The following ATP10B variants were observed in gnomAD, a reference collection of about 807,000 sequenced individuals.
The protein encoded by ATP10B is phospholipid-transporting ATPase VB.
ATP10B carries 122 observed loss-of-function variants against 141.2 expected under a neutral mutation model. The ratio of observed to expected loss-of-function variants is 0.86; its 90% CI spans 0.75 to 1.00. The LOEUF (loss-of-function observed/expected upper bound fraction) is 1.00. Ranked by LOEUF, ATP10B falls within the 50% of genes least tolerant of loss-of-function variation. The pLI is 0.00. For synonymous variants in ATP10B, 685 were observed against 692.0 expected (o/e 0.99, Z 0.16); for missense variants, 1,876 against 1,825.3 (o/e 1.03, Z -0.51).
chr5:160,676,459 C>T (rs1393688886), intron 6 of ATP10B, among the ~76,000 whole-genome samples: 2 of 152,220 alleles, frequency 1.3e-5, no homozygotes, highest in African/African-American at 2.4e-5. Flanking sequence ...TGTTGCCACA[C>T]TTCCCTGTAT....
In ATP10B at chr5:160,682,315, C is replaced by T. The variant is rs148352215; in HGVS notation, c.470+3764G>A. ...GGCCATGCACGTATTTTTTCGGAGA[C>T]TATTTCTTTGTCACTGTTATTCCAC... is the stretch of plus-strand genomic sequence containing the variant. On this transcript the variant is annotated intron_variant, in intron 6 of 25. Transcript: ENST00000327245. Among the ~76,000 whole-genome samples, 133 of 152,298 alleles carry T rather than the reference C, an allele frequency of 8.7e-4. 1 individual carries two copies. Among genetic ancestry groups the T allele is most frequent in the Middle Eastern group, 6.8e-3 (2 of 294 alleles).
the ATP10B span, among the ~76,000 whole-genome samples, chr5:160,858,509 G>T: frequency 6.6e-6 from 1 of 151,752 alleles, no homozygotes; most frequent in Admixed American, 6.6e-5. Context: ...TTTTCCACCT[G>T]CCAGTGGGTC....
intron 3 of ATP10B, among the ~76,000 whole-genome samples, chr5:160,697,906 CAT>C (rs1764464669): frequency 6.6e-6 from 1 of 152,122 alleles, no homozygotes; most frequent in South Asian, 2.1e-4. Context: ...CTCCCCAACT[CAT>C]AAGAGCTTTA....
upstream of ATP10B, among the ~76,000 whole-genome samples, chr5:160,855,426 G>T (rs1363098804): frequency 3.3e-5 from 5 of 149,394 alleles, no homozygotes; most frequent in East Asian, 2.0e-4. Context: ...TATATATTTT[G>T]TTTGGTGAAA....
chr5:160,649,327 C>A (rs1210283048), intron 7 of ATP10B, 71 bp from the exon 8 acceptor site: 7 of 1,091,036 alleles, frequency 6.4e-6, no homozygotes, highest in South Asian at 1.3e-5. Context: ...ACTGGGAGAG[C>A]TAATCACTGT....
chr5:160,635,616 C>T (rs1581236803), intron 11 of ATP10B, among the ~76,000 whole-genome samples: 1 of 152,190 alleles, frequency 6.6e-6, no homozygotes, highest in African/African-American at 2.4e-5. Context: ...AGGAAAACTA[C>T]AACTTCCCTC....
chr5:160,843,753 G>A (rs1484854417), intron 1 of ATP10B, among the ~76,000 whole-genome samples: 1 of 151,936 alleles, frequency 6.6e-6, no homozygotes, highest in Non-Finnish European at 1.5e-5. Context: ...GTTTTGAAGG[G>A]GCAATTCAAG....
the ATP10B span, among the ~76,000 whole-genome samples, chr5:160,876,993 C>T: frequency 0.013 from 1,886 of 149,626 alleles, 38 homozygotes; most frequent in African/African-American, 0.044. Context: ...TGAAACTATT[C>T]CAATCAACAG....
At chr5:160,812,563 A>G (rs934685626) in intron 1 of ATP10B, among the ~76,000 whole-genome samples, 2 of 152,196 alleles carry the variant, frequency 1.3e-5, no homozygotes, top group Admixed American at 1.3e-4. Context: ...TGAAATAATT[A>G]AAAGGAATCA....
chr5:160,569,557 G>A lies in ATP10B; in HGVS notation c.3877C>T (p.Leu1293Phe), dbSNP rs755083129. Reference sequence around the variant, plus strand: ...ACGAGGTAGAAAGTGGGGTTTGAGAGCTGGCCTTCCATCACCCAATAGGGA... The same window carrying A: ...ACGAGGTAGAAAGTGGGGTTTGAGAACTGGCCTTCCATCACCCAATAGGGA... ...TNPYWVMEGQ[L>F]SNPTFYLVCF... The change falls in exon 25 of 26, where the codon CTC becomes TTC. Residue 1293 changes from leucine (L) to phenylalanine (F), a missense_variant. Leu to Phe is a conservative substitution (Grantham distance 22, BLOSUM62 0). Transcript: ENST00000327245. 3.1e-6 allele frequency: 5 copies of A among 1,613,852 alleles called. No individual in the cohort carries two copies. In the Admixed American group the frequency reaches 6.7e-5, roughly 22 times the overall value.
chr5:160,607,180 C>T (rs1368790453), intron 18 of ATP10B, 94 bp from the exon 19 acceptor site: 1 of 1,019,820 alleles, frequency 9.8e-7, no homozygotes, highest in Admixed American at 2.4e-5. Flanking sequence ...AGTCATAAAA[C>T]TCTACTACCA....
At chr5:160,929,307 G>A in the ATP10B span, among the ~76,000 whole-genome samples, 15 of 152,266 alleles carry the variant, frequency 9.9e-5, 1 homozygote, top group African/African-American at 3.4e-4. Flanking sequence ...ACACTAGGGA[G>A]AAAGACTGAG....
the ATP10B span, among the ~76,000 whole-genome samples, chr5:160,919,265 G>A: frequency 2.1e-5 from 3 of 145,512 alleles, no homozygotes; most frequent in East Asian, 6.1e-4. Flanking sequence ...GGAAGATCAG[G>A]CAGGAAACCC....
intron 3 of ATP10B, among the ~76,000 whole-genome samples, chr5:160,701,389 C>G (rs185661444): frequency 6.6e-6 from 1 of 152,202 alleles, no homozygotes; most frequent in Admixed American, 6.5e-5. Flanking sequence ...CACTGACACA[C>G]CATCATTACC....
intron 18 of ATP10B, 89 bp from the exon 19 acceptor site, chr5:160,607,175 T>G: frequency 9.1e-7 from 1 of 1,100,600 alleles, no homozygotes; most frequent in Non-Finnish European, 1.3e-6. Flanking sequence ...AAGATAGTCA[T>G]AAAACTCTAC....
chr5:160,812,060 G>GAGAGA (rs1561880202), intron 1 of ATP10B, among the ~76,000 whole-genome samples: 1 of 146,146 alleles, frequency 6.8e-6, no homozygotes, highest in East Asian at 2.0e-4. Flanking sequence ...GAGAGAGAGA[G>GAGAGA]GGAGAGGGAG....
chr5:160,892,943 G>A, the ATP10B span, among the ~76,000 whole-genome samples: 1 of 152,186 alleles, frequency 6.6e-6, no homozygotes, highest in African/African-American at 2.4e-5. Flanking sequence ...AGTGCAAGGA[G>A]ATGGGGAACT....
Position 160,602,661 on chromosome 5 carries a change from A to T in ATP10B, c.3279T>A (p.His1093Gln), listed in dbSNP as rs1581184572. The T allele has an allele frequency of 2.5e-6, 4 of 1,614,076 alleles. No homozygotes were observed. The East Asian group carries it at 8.9e-5, about 36-fold the overall frequency. ...SSDFAITRFKHLKKLLLVHGH... is the reference protein window; with the variant it reads ...SSDFAITRFKQLKKLLLVHGH... ...CATGCACGAGCAGCAACTTCTTGAG[A>T]TGCTTAAAGCGGGTGATGGCAAAGT... is the stretch of plus-strand genomic sequence containing the variant. The change falls in exon 21 of 26, where the codon CAT becomes CAA. Residue 1093 changes from histidine (H) to glutamine (Q), a missense_variant. Physicochemically the swap from His to Gln is conservative, Grantham distance 24 (BLOSUM62 0). Coordinates refer to ENST00000327245, the MANE Select transcript of ATP10B (RefSeq NM_025153.3).
At chr5:160,903,117 A>C in the ATP10B span, among the ~76,000 whole-genome samples, 1 of 152,212 alleles carries the variant, frequency 6.6e-6, no homozygotes, top group Non-Finnish European at 1.5e-5. Flanking sequence ...AAAAGGAAGG[A>C]GTCTTAGAGA....
Sources: gnomAD v4.1 joint callset for allele counts (sites outside exome capture counted in the v4.1 genomes callset) on GRCh38, gnomAD v4.1.1 for gene constraint, MANE v1.5 for transcripts, NCBI Gene and HGNC (gene_info 2026-07-23, HGNC 2026-07-21) for gene names.